Variants in ITPKB observed in about 807,000 individuals in gnomAD.
ITPKB encodes inositol-trisphosphate 3-kinase B, also known as IP3 3-kinase B.
A neutral mutation model predicts 69.4 loss-of-function variants in ITPKB; 13 were observed. The observed-to-expected ratio is 0.19, with a 90% CI of 0.12 to 0.30. The LOEUF is 0.30. Ranked by LOEUF, ITPKB falls within the 10% of genes least tolerant of loss-of-function variation. ITPKB has a pLI of 1.00. For missense variants in ITPKB, 1,240 were observed against 1,250.5 expected (o/e 0.99, Z 0.13); for synonymous variants, 584 against 513.7 (o/e 1.14, Z -1.85).
At chr1:226,651,982 A>G (rs1298475249) in intron 2 of ITPKB, among the ~76,000 whole-genome samples, 1 of 152,154 alleles carries the variant, frequency 6.6e-6, no homozygotes, top group African/African-American at 2.4e-5. Context: ...CTCTGCCTGG[A>G]TGAGGGCCGT....
intron 2 of ITPKB, among the ~76,000 whole-genome samples, chr1:226,690,770 C>T (rs1004606414): frequency 6.6e-6 from 1 of 152,184 alleles, no homozygotes; most frequent in African/African-American, 2.4e-5. Flanking sequence ...CATCTCAACA[C>T]GTCAAAACTA....
chr1:226,736,929 G>A lies in ITPKB; in HGVS notation c.530C>T (p.Pro177Leu), dbSNP rs769528326. Residue 177 changes from proline to leucine, a missense_variant, in exon 2 of 8, where the codon CCG (proline) becomes CTG (leucine). Physicochemically the swap from Pro to Leu is moderately conservative, Grantham distance 98. Around this residue, in one of 2 missense-constraint regions of ITPKB, gnomAD observed 992 missense variants for 853.8 expected, o/e 1.16. Transcript: ENST00000429204. ...PRLGRARSPS[P>L]CPFRSSSQPP... ...CTGACTGCTGCTGCGGAAGGGGCAC[G>A]GGGAGGGCGAGCGAGCCCTGCCCAA... 4.0e-5 allele frequency: 64 copies of A among 1,610,976 alleles called. No individual in the cohort carries two copies. In the East Asian group the frequency reaches 1.4e-3, roughly 35 times the overall value.
chr1:226,725,558 T>G (rs942433582), intron 2 of ITPKB, among the ~76,000 whole-genome samples: 4 of 152,206 alleles, frequency 2.6e-5, no homozygotes, highest in Non-Finnish European at 5.9e-5. Flanking sequence ...ACTGGAAAAG[T>G]CCATGCCCCC....
At chr1:226,635,962 G>A (rs760538947) in intron 7 of ITPKB, among the ~76,000 whole-genome samples, 7 of 152,264 alleles carry the variant, frequency 4.6e-5, no homozygotes, top group Non-Finnish European at 8.8e-5. Context: ...GGGCAGGTGG[G>A]GCCCCTGGCG....
At chr1:226,680,156 AGCCC>A (rs1192931789) in intron 2 of ITPKB, among the ~76,000 whole-genome samples, 1 of 152,204 alleles carries the variant, frequency 6.6e-6, no homozygotes, top group African/African-American at 2.4e-5. Context: ...CAACCCTGAA[AGCCC>A]AGAACTGAGC....
In ITPKB at chr1:226,641,654, G is replaced by C. The variant is rs931517801; in HGVS notation, c.2451+267C>G. Among the ~76,000 whole-genome samples, 2 of 152,210 alleles carry C rather than the reference G, an allele frequency of 1.3e-5. No individual in the cohort carries two copies. The highest frequency in any genetic ancestry group is 4.8e-5 in the African/African-American group (2 of 41,458). ...CGCCTGGCTTTCGGTGCCAGGCACCGTCTGGGCTAAATGGAGAGTCCTCGG... is the reference window on the plus strand; with the variant it reads ...CGCCTGGCTTTCGGTGCCAGGCACCCTCTGGGCTAAATGGAGAGTCCTCGG... On this transcript the variant is annotated intron_variant, in intron 5 of 7. Coordinates refer to ENST00000429204, the MANE Select transcript of ITPKB (RefSeq NM_002221.4). The surrounding 1 kb of genome is among the most constrained non-coding windows in gnomAD (Gnocchi z 4.6).
chr1:226,736,824 GTCTC>G lies in ITPKB; in HGVS notation c.631_634del (p.Glu211LeufsTer19). 1 of 1,612,840 alleles carries G rather than the reference GTCTC, an allele frequency of 6.2e-7. No individual in the cohort carries two copies. Among genetic ancestry groups the G allele is most frequent in the Non-Finnish European group, 8.5e-7 (1 of 1,180,038 alleles). ...TTTCCTCCCGGAGTCGGTTCCTGAAGTCTCTGGACATTGCTCCCCCCAGGACTTT... is the reference window on the plus strand; with the variant it reads ...TTTCCTCCCGGAGTCGGTTCCTGAAGTGGACATTGCTCCCCCCAGGACTTT... On this transcript the variant is annotated frameshift_variant, in exon 2 of 8. Transcript: ENST00000429204. LOFTEE classifies it high-confidence loss of function.
intron 2 of ITPKB, among the ~76,000 whole-genome samples, chr1:226,671,759 A>C (rs1669622215): frequency 6.6e-6 from 1 of 152,210 alleles, no homozygotes. Flanking sequence ...ATGGCACTGC[A>C]GACAGAGGGA....
chr1:226,686,031 AC>A (rs1208632561), intron 2 of ITPKB, among the ~76,000 whole-genome samples: 1 of 152,076 alleles, frequency 6.6e-6, no homozygotes, highest in Non-Finnish European at 1.5e-5. Context: ...GCAGAAAGCA[AC>A]CCCAGGTTAA....
Position 226,633,255 on chromosome 1 carries a change from G to C in ITPKB, c.*1416C>G, listed in dbSNP as rs1303987477. On this transcript the variant is annotated 3_prime_UTR_variant, in exon 8 of 8. Coordinates refer to ENST00000429204, the MANE Select transcript of ITPKB (RefSeq NM_002221.4). Reference sequence around the variant, plus strand: ...AGACCCCGGGGTGGTGGGGTGGGCAGTGGTTCCTCCAGACACACACACCTT... The same window carrying C: ...AGACCCCGGGGTGGTGGGGTGGGCACTGGTTCCTCCAGACACACACACCTT... 3 of 152,280 alleles carry C rather than the reference G, an allele frequency of 2.0e-5. No individual in the cohort carries two copies. Among genetic ancestry groups the C allele is most frequent in the Non-Finnish European group, 2.9e-5 (2 of 68,098 alleles). The allele number at this position is 152,280 out of a possible 1,614,324, so 9.4% of individuals were successfully genotyped here.
intron 4 of ITPKB, 23 bp downstream of exon 4, chr1:226,647,144 G>A: frequency 6.2e-7 from 1 of 1,607,440 alleles, no homozygotes; most frequent in Non-Finnish European, 8.5e-7. Flanking sequence ...GCAGGCATGT[G>A]GGCTGCGAGA....
intron 2 of ITPKB, among the ~76,000 whole-genome samples, chr1:226,664,993 G>A (rs983602627): frequency 1.3e-5 from 2 of 152,234 alleles, no homozygotes; most frequent in African/African-American, 4.8e-5. Context: ...AAAGGCCGTG[G>A]GTGAGTGACT....
chr1:226,730,141 C>T (rs529026343), intron 2 of ITPKB, among the ~76,000 whole-genome samples: 1 of 152,256 alleles, frequency 6.6e-6, no homozygotes, highest in African/African-American at 2.4e-5. Context: ...GGTCAAGGGA[C>T]CAGGTCAGCA....
In ITPKB at chr1:226,737,219, G is replaced by A. The variant is rs745324455; in HGVS notation, c.240C>T (p.Arg80=). ...CACTGCCGCTGCTACTATTCAGCCT[G>A]CGCCGGCCGCTCCGCCAGCCCCCGG... ...RSPGGWRSGR[R]RLNSSSGSGS... Residue 80 remains arginine (R), a synonymous_variant, in exon 2 of 8, where the codon CGC becomes CGT. Transcript: ENST00000429204. 1.1e-5 allele frequency: 17 copies of A among 1,568,098 alleles called. No individual in the cohort carries two copies. The highest frequency in any genetic ancestry group is 6.8e-5 in the South Asian group (6 of 88,708).
At chr1:226,648,968 C>A (rs1211588033) in intron 2 of ITPKB, among the ~76,000 whole-genome samples, 197 bp from the exon 3 acceptor site, 7 of 152,186 alleles carry the variant, frequency 4.6e-5, no homozygotes, top group African/African-American at 1.7e-4. Flanking sequence ...TAACAAACAG[C>A]CTGAGCAAAA....
intron 2 of ITPKB, among the ~76,000 whole-genome samples, chr1:226,668,025 G>A (rs1403689475): frequency 1.3e-5 from 2 of 152,044 alleles, no homozygotes; most frequent in Non-Finnish European, 2.9e-5. Context: ...TTGCCCCAGA[G>A]GGAGGCAAAA....
In ITPKB at chr1:226,736,156, C is replaced by T. The variant is rs751217706; in HGVS notation, c.1303G>A (p.Gly435Arg). 1 of 1,559,924 alleles carries T rather than the reference C, an allele frequency of 6.4e-7. No individual in the cohort carries two copies. Among genetic ancestry groups the T allele is most frequent in the African/African-American group, 1.4e-5 (1 of 73,566 alleles). The part of the protein sequence containing the change: ...EARSGAPVGG[G>R]RWQLSDRVEG... ...ACTCTGTCGGAGAGCTGCCAACGCC[C>T]CCCGCCCACGGGGGCCCCACTTCGG... Residue 435 changes from glycine (G) to arginine (R), a missense_variant, in exon 2 of 8, where the codon GGG becomes AGG. This residue lies in a region of ITPKB where 992 missense variants were observed against 853.8 expected (regional missense o/e 1.16). Coordinates refer to ENST00000429204, the MANE Select transcript of ITPKB (RefSeq NM_002221.4).
chr1:226,737,157 C>T lies in ITPKB; in HGVS notation c.302G>A (p.Ser101Asn). 6.3e-7 allele frequency: 1 copy of T among 1,595,876 alleles called. No homozygotes were observed. Among genetic ancestry groups the T allele is most frequent in the Non-Finnish European group, 8.5e-7 (1 of 1,178,134 alleles). Residue 101 changes from serine to asparagine, a missense_variant, in exon 2 of 8, where the codon AGT (serine) becomes AAT (asparagine). Around this residue, in one of 2 missense-constraint regions of ITPKB, gnomAD observed 992 missense variants for 853.8 expected, o/e 1.16. Coordinates refer to ENST00000429204, the MANE Select transcript of ITPKB (RefSeq NM_002221.4). ...GSSGSSVSSP[S>N]WAGRLRGDRQ... ...GTCCCCTCGCAGGCGACCAGCCCAA[C>T]TTGGGCTGCTCACGCTACTGCCGCT... is the stretch of plus-strand genomic sequence containing the variant.
At chr1:226,732,185 G>C (rs1431450878) in intron 2 of ITPKB, among the ~76,000 whole-genome samples, 1 of 149,628 alleles carries the variant, frequency 6.7e-6, no homozygotes, top group Non-Finnish European at 1.5e-5. Context: ...CAAGGGTTTT[G>C]TATTACACTT....
Sources: gnomAD v4.1 joint callset for allele counts (sites outside exome capture counted in the v4.1 genomes callset) on GRCh38, gnomAD v4.1.1 for gene constraint, gnomAD v4.1.1 regional missense constraint, Gnocchi (gnomAD v3.1) non-coding constraint, MANE v1.5 for transcripts, NCBI Gene and HGNC (gene_info 2026-07-23, HGNC 2026-07-21) for gene names.